The following DCC variants were observed in gnomAD, a reference collection of about 807,000 sequenced individuals.
DCC encodes netrin receptor DCC.
In DCC, 58 loss-of-function variants were observed where a neutral mutation model predicts 172.5. That is an observed-to-expected ratio of 0.34 (90% CI 0.27 to 0.42). The LOEUF is 0.42. Among genes scored for constraint, DCC ranks in the 10% least tolerant of loss-of-function variants. The pLI, the probability that DCC is intolerant of heterozygous loss-of-function variation, is 1.00. For missense variants in DCC, 1,740 were observed against 1,791.0 expected (o/e 0.97, Z 0.51); for synonymous variants, 709 against 644.5 (o/e 1.10, Z -1.52).
intron 3 of DCC, among the ~76,000 whole-genome samples, chr18:52,919,602 A>G (rs2040089615): frequency 6.6e-6 from 1 of 151,250 alleles, no homozygotes; most frequent in Non-Finnish European, 1.5e-5. Flanking sequence ...TGGACCATAT[A>G]TGCTCTATCT....
At chr18:52,628,265 G>A (rs1410455680) in intron 1 of DCC, among the ~76,000 whole-genome samples, 2 of 152,042 alleles carry the variant, frequency 1.3e-5, no homozygotes, top group Non-Finnish European at 2.9e-5. Flanking sequence ...ATCATACTTG[G>A]AAACATTCTG....
intron 2 of DCC, among the ~76,000 whole-genome samples, chr18:52,808,024 G>C (rs897178306): frequency 6.6e-6 from 1 of 152,146 alleles, no homozygotes; most frequent in Non-Finnish European, 1.5e-5. Flanking sequence ...TGCTGTGACC[G>C]CTAATGCTTT....
chr18:53,479,838 A>G (rs1337191573), intron 25 of DCC, among the ~76,000 whole-genome samples: 1 of 152,194 alleles, frequency 6.6e-6, no homozygotes, highest in Non-Finnish European at 1.5e-5. Flanking sequence ...AGATTTCTTC[A>G]ACAAAATGGA....
intron 5 of DCC, among the ~76,000 whole-genome samples, chr18:53,050,909 AC>A (rs1861729532): frequency 1.3e-5 from 2 of 152,128 alleles, no homozygotes; most frequent in Non-Finnish European, 2.9e-5. Context: ...TGGCATGTTT[AC>A]TTCCAGAGGC....
intron 1 of DCC, among the ~76,000 whole-genome samples, chr18:52,485,967 T>G (rs1343374217): frequency 1.3e-5 from 2 of 152,104 alleles, no homozygotes; most frequent in Non-Finnish European, 2.9e-5. Context: ...GGTATGTTTC[T>G]ATCCTTTCCC....
chr18:53,359,098 G>T (rs1220899523), intron 15 of DCC, among the ~76,000 whole-genome samples: 1 of 152,108 alleles, frequency 6.6e-6, no homozygotes, highest in Non-Finnish European at 1.5e-5. Context: ...AGCAAAAGAG[G>T]CTCAAGGTTC....
intron 7 of DCC, among the ~76,000 whole-genome samples, chr18:53,109,463 C>A (rs1406378780): frequency 1.3e-5 from 2 of 151,330 alleles, no homozygotes; most frequent in Admixed American, 6.6e-5. Context: ...CAAGCCTTGC[C>A]AATCTTGTAT....
At chr18:52,362,723 C>G (rs1396929001) in intron 1 of DCC, among the ~76,000 whole-genome samples, 1 of 152,142 alleles carries the variant, frequency 6.6e-6, no homozygotes, top group African/African-American at 2.4e-5. Flanking sequence ...AATAATCTCC[C>G]TATAGGCAGG....
At chr18:52,389,038 A>T (rs1281151801) in intron 1 of DCC, among the ~76,000 whole-genome samples, 3 of 152,066 alleles carry the variant, frequency 2.0e-5, no homozygotes, top group Non-Finnish European at 2.9e-5. Flanking sequence ...CCCAGTGTGT[A>T]TGGGGAAGAA....
chr18:52,712,880 G>A (rs2036317889), intron 1 of DCC, among the ~76,000 whole-genome samples: 1 of 152,194 alleles, frequency 6.6e-6, no homozygotes, highest in Non-Finnish European at 1.5e-5. Context: ...GCAAAGGAGA[G>A]CTCTGCCCCT....
chr18:52,425,970 T>C (rs146117170), intron 1 of DCC, among the ~76,000 whole-genome samples: 2 of 152,250 alleles, frequency 1.3e-5, no homozygotes, highest in Non-Finnish European at 2.9e-5. Context: ...TGATATCAAG[T>C]GTTACCCTAA....
rs150309814 is a variant in DCC, at chr18:53,500,932, T to A, written c.4111+1422T>A. 4.2e-3 allele frequency among the ~76,000 whole-genome samples: 635 copies of A among 152,190 alleles called. 1 individual carries two copies. Among genetic ancestry groups the A allele is most frequent in the Non-Finnish European group, 7.8e-3 (530 of 68,008 alleles). ...CACACATACTACATTATGGGGAGGATCTGCTACTTTATATGGCCCCAAAAC... is the reference window on the plus strand; with the variant it reads ...CACACATACTACATTATGGGGAGGAACTGCTACTTTATATGGCCCCAAAAC... On this transcript the variant is annotated intron_variant, in intron 27 of 28. Transcript: ENST00000442544.
intron 2 of DCC, among the ~76,000 whole-genome samples, chr18:52,808,593 TG>T (rs1171250519): frequency 6.6e-6 from 1 of 152,188 alleles, no homozygotes; most frequent in Admixed American, 6.5e-5. Flanking sequence ...CTCCCTATTT[TG>T]GAAGGGATAA....
intron 7 of DCC, among the ~76,000 whole-genome samples, chr18:53,108,651 G>A (rs978928561): frequency 7.3e-5 from 11 of 151,678 alleles, no homozygotes; most frequent in African/African-American, 2.7e-4. Context: ...CTCTAATTCA[G>A]TAGTTGTTGA....
chr18:52,483,848 A>G (rs2030078832), intron 1 of DCC, among the ~76,000 whole-genome samples: 1 of 151,284 alleles, frequency 6.6e-6, no homozygotes, highest in Non-Finnish European at 1.5e-5. Context: ...CGAATGTTGG[A>G]TTTTCTAGTA....
chr18:53,178,886 C>G, intron 8 of DCC, 76 bp from the exon 9 acceptor site: 1 of 1,541,256 alleles, frequency 6.5e-7, no homozygotes, highest in Non-Finnish European at 9.0e-7. Context: ...CCTCACTACT[C>G]TTGCACATCA....
chr18:52,432,115 T>A (rs1415339366), intron 1 of DCC, among the ~76,000 whole-genome samples: 2 of 152,206 alleles, frequency 1.3e-5, no homozygotes, highest in African/African-American at 4.8e-5. Context: ...GTTCAAGCTT[T>A]GAAATCACTG....
At chr18:53,320,097 G>A (rs2057391883) in intron 13 of DCC, among the ~76,000 whole-genome samples, 1 of 136,324 alleles carries the variant, frequency 7.3e-6, no homozygotes, top group African/African-American at 2.8e-5. Flanking sequence ...TTTTGAGATG[G>A]AGTCTCACTC....
Position 53,041,071 on chromosome 18 carries a change from G to A in DCC, c.986-22234G>A, listed in dbSNP as rs117320027. Among the ~76,000 whole-genome samples, 632 of 152,034 alleles carry A rather than the reference G, an allele frequency of 4.2e-3. 33 individuals carry two copies. In the East Asian group the frequency reaches 0.1, roughly 25 times the overall value. On this transcript the variant is annotated intron_variant, in intron 5 of 28. Transcript: ENST00000442544. Reference sequence around the variant, plus strand: ...CCATGTATTAATCTTGGATTTTGTTGCAATTGCTTTTGGTGTTTTAGTCAT... The same window carrying A: ...CCATGTATTAATCTTGGATTTTGTTACAATTGCTTTTGGTGTTTTAGTCAT...
Sources: allele counts gnomAD v4.1 joint callset (sites outside exome capture counted in the v4.1 genomes callset), GRCh38; gene constraint gnomAD v4.1.1; transcripts MANE v1.5; gene names NCBI Gene and HGNC (gene_info 2026-07-23, HGNC 2026-07-21).